STRN3: variants seen among roughly 807,000 people sequenced by gnomAD.
The protein encoded by STRN3 is striatin 3.
In STRN3, 29 loss-of-function variants were observed where a neutral mutation model predicts 95.6. The ratio of observed to expected loss-of-function variants is 0.30; its 90% CI spans 0.23 to 0.41. The LOEUF is 0.41. Ranked by LOEUF, STRN3 falls within the 10% of genes least tolerant of loss-of-function variation. The pLI, the probability that STRN3 is intolerant of heterozygous loss-of-function variation, is 1.00. For synonymous variants in STRN3, 331 were observed against 357.6 expected (o/e 0.93, Z 0.84); for missense variants, 890 against 972.1 (o/e 0.92, Z 1.12).
intron 3 of STRN3, among the ~76,000 whole-genome samples, chr14:30,953,696 C>G (rs1309396617): frequency 6.6e-6 from 1 of 152,114 alleles, no homozygotes; most frequent in Non-Finnish European, 1.5e-5. Context: ...GTGGTGTGAA[C>G]AAAATTCACT....
intron 7 of STRN3, among the ~76,000 whole-genome samples, chr14:30,933,579 A>T (rs1878663983): frequency 6.6e-6 from 1 of 152,130 alleles, no homozygotes; most frequent in Admixed American, 6.6e-5. Context: ...AGCTAAAAGA[A>T]AAGTTAAATA....
At chr14:31,020,101 GTACAA>G (rs1198915062) in intron 1 of STRN3, among the ~76,000 whole-genome samples, 5 of 152,026 alleles carry the variant, frequency 3.3e-5, no homozygotes, top group Non-Finnish European at 5.9e-5. Context: ...CATGTTCTTT[GTACAA>G]TTAGGTATTC....
chr14:30,911,460 C>T (rs1318544538), intron 12 of STRN3, among the ~76,000 whole-genome samples: 1 of 152,020 alleles, frequency 6.6e-6, no homozygotes, highest in African/African-American at 2.4e-5. Context: ...CGCCAACATG[C>T]CCAGCTAATT....
At chr14:31,013,110 A>G (rs1883046793) in intron 1 of STRN3, among the ~76,000 whole-genome samples, 1 of 152,042 alleles carries the variant, frequency 6.6e-6, no homozygotes, top group South Asian at 2.1e-4. Context: ...ACAGTTAACA[A>G]CAACAAAATT....
At chr14:30,929,962 A>ACAAC (rs1566441376) in intron 7 of STRN3, among the ~76,000 whole-genome samples, 1 of 147,138 alleles carries the variant, frequency 6.8e-6, no homozygotes, top group South Asian at 2.2e-4. Flanking sequence ...AGCAAAAAAA[A>ACAAC]AAAAAAAAAA....
At chr14:31,024,930 G>C (rs1883719215) in intron 1 of STRN3, among the ~76,000 whole-genome samples, 1 of 152,196 alleles carries the variant, frequency 6.6e-6, no homozygotes, top group Non-Finnish European at 1.5e-5. Context: ...GCAATTTTGA[G>C]ATCCAGGACA....
At chr14:30,951,866 C>T (rs1027683445) in intron 3 of STRN3, among the ~76,000 whole-genome samples, 1 of 152,006 alleles carries the variant, frequency 6.6e-6, no homozygotes, top group Non-Finnish European at 1.5e-5. Context: ...GCCTGTAATC[C>T]CAGGACTTTG....
At chr14:30,992,565 TA>T (rs58987293) in intron 1 of STRN3, among the ~76,000 whole-genome samples, 16,196 of 93,702 alleles carry the variant, frequency 0.17, 1,463 homozygotes, top group South Asian at 0.37. Flanking sequence ...CCTGTCTCTT[TA>T]AAAAAAAAAA....
chr14:30,908,902 G>C (rs1025151979), intron 13 of STRN3, among the ~76,000 whole-genome samples: 1 of 152,140 alleles, frequency 6.6e-6, no homozygotes, highest in South Asian at 2.1e-4. Flanking sequence ...CTTCAATCGA[G>C]ATCTCTTTGG....
At chr14:31,003,736 G>T (rs1258078907) in intron 1 of STRN3, among the ~76,000 whole-genome samples, 1 of 145,042 alleles carries the variant, frequency 6.9e-6, no homozygotes, top group East Asian at 2.1e-4. Context: ...CACCCAGCCT[G>T]AAGTGTTCCT....
At chr14:30,950,744 G>T in intron 4 of STRN3, 119 bp downstream of exon 4, 2 of 896,298 alleles carry the variant, frequency 2.2e-6, no homozygotes, top group Non-Finnish European at 3.4e-6. Flanking sequence ...AGCAAAAAAA[G>T]CAGCAATACA....
intron 1 of STRN3, among the ~76,000 whole-genome samples, chr14:30,956,979 T>G (rs1477164135): frequency 1.3e-5 from 2 of 150,292 alleles, no homozygotes; most frequent in Admixed American, 1.3e-4. Flanking sequence ...GCCAACATGG[T>G]GAAACCCCCT....
chr14:30,993,299 G>A (rs1392917814), intron 1 of STRN3, among the ~76,000 whole-genome samples: 1 of 150,216 alleles, frequency 6.7e-6, no homozygotes, highest in Non-Finnish European at 1.5e-5. Context: ...TACAGGTAGT[G>A]CCTGACTTCA....
rs557900685 is a variant in STRN3 at position 31,025,619 on chromosome 14, C to A, written c.282+285G>T. On this transcript the variant is annotated intron_variant, in intron 1 of 17. Coordinates refer to ENST00000357479, the MANE Select transcript of STRN3 (RefSeq NM_001083893.2). ...CCAAGCCCCGGAGGCCCGGGAAGGC[C>A]GCCTCCGGAGGAGCCCCCGCAGACG... The A allele has an allele frequency of 5.2e-3, 2,571 of 495,808 alleles. 18 individuals carry two copies. The highest frequency in any genetic ancestry group is 7.2e-3 in the Non-Finnish European group (1,991 of 275,106). 30.7% of individuals were successfully genotyped at this position (495,808 alleles called of 1,614,324 possible).
chr14:30,997,360 C>A (rs1373040309), intron 1 of STRN3, among the ~76,000 whole-genome samples: 1 of 152,156 alleles, frequency 6.6e-6, no homozygotes, highest in African/African-American at 2.4e-5. Context: ...TCCAGAGCCA[C>A]ACCTCCTCTG....
intron 1 of STRN3, among the ~76,000 whole-genome samples, chr14:31,007,913 C>T (rs1375188425): frequency 6.6e-6 from 1 of 152,058 alleles, no homozygotes; most frequent in Non-Finnish European, 1.5e-5. Flanking sequence ...AAAAATTGGG[C>T]CTGGCGTGGT....
rs770744686 is a variant in STRN3 at position 30,912,097 on chromosome 14, G to T, written c.1460C>A (p.Ala487Asp). Residue 487 changes from alanine (A) to aspartate (D), a missense_variant, in exon 11 of 18, where the codon GCT (alanine) becomes GAT (aspartate). Physicochemically the swap from Ala to Asp is moderately radical, Grantham distance 126 (BLOSUM62 -2). This residue lies in a region of STRN3 where 357 missense variants were observed against 422.8 expected (regional missense o/e 0.84). Transcript: ENST00000357479. ...RSHFDGVRAL[A>D]FHPVEPVLVT... The stretch of plus-strand genomic sequence containing the variant: ...CAGCACAGGTTCTACAGGATGAAAA[G>T]CTAATGCCCGTACTCCATCAAAATG... The T allele has an allele frequency of 3.1e-6, 5 of 1,614,026 alleles. No homozygotes were observed. Among genetic ancestry groups the T allele is most frequent in the Admixed American group, 3.3e-5 (2 of 60,002 alleles).
At chr14:30,997,929 C>G (rs1228210769) in intron 1 of STRN3, among the ~76,000 whole-genome samples, 1 of 152,066 alleles carries the variant, frequency 6.6e-6, no homozygotes, top group East Asian at 1.9e-4. Context: ...AGAAATAAAC[C>G]AAAGGATTGT....
chr14:30,929,967 A>AAAAAAAAAAAAAAAAACAAAAAAAC (rs1555317336), intron 7 of STRN3, among the ~76,000 whole-genome samples: 1 of 91,120 alleles, frequency 1.1e-5, no homozygotes, highest in African/African-American at 3.8e-5. Context: ...AAAAAAAAAA[A>AAAAAAAAAAAAAAAAACAAAAAAAC]AAAAAAAAAA....
Sources: gnomAD v4.1 joint callset for allele counts (sites outside exome capture counted in the v4.1 genomes callset) on GRCh38, gnomAD v4.1.1 for gene constraint, gnomAD v4.1.1 regional missense constraint, MANE v1.5 for transcripts, NCBI Gene and HGNC (gene_info 2026-07-23, HGNC 2026-07-21) for gene names.